Variants in PALM observed in about 807,000 individuals in gnomAD.
PALM encodes the protein paralemmin, also known as paralemmin-1.
PALM carries 18 observed loss-of-function variants against 30.7 expected under a neutral mutation model. That is an observed-to-expected ratio of 0.59 (90% CI 0.41 to 0.87). PALM has a LOEUF of 0.87. Ranked by LOEUF, PALM falls within the 40% of genes least tolerant of loss-of-function variation. The pLI is 0.00. For synonymous variants in PALM, 286 were observed against 242.8 expected (o/e 1.18, Z -1.66); for missense variants, 529 against 555.4 (o/e 0.95, Z 0.48).
chr19:728,040 C>T (rs987954471), intron 4 of PALM, among the ~76,000 whole-genome samples: 1 of 128,506 alleles, frequency 7.8e-6, no homozygotes, highest in African/African-American at 3.3e-5. Flanking sequence ...ACGTCGAGCT[C>T]GTGGGTCCCT....
Position 742,375 on chromosome 19 carries a change from C to T in PALM, c.634+1892C>T, listed in dbSNP as rs879442094. ...ATCCCGGCACTTTGGGAGGCCGAGG[C>T]GGGTGGATCACCTGAGGTCAGGAGT... is the stretch of plus-strand genomic sequence containing the variant. On this transcript the variant is annotated intron_variant, in intron 8 of 8. Transcript: ENST00000338448. The surrounding 1 kb of genome is among the most constrained non-coding windows in gnomAD (Gnocchi z 5.5). 7.2e-5 allele frequency among the ~76,000 whole-genome samples: 11 copies of T among 152,068 alleles called. No homozygotes were observed. The highest frequency in any genetic ancestry group is 1.9e-4 in the East Asian group (1 of 5,192).
chr19:725,390 T>A (rs2032626852), intron 1 of PALM, among the ~76,000 whole-genome samples: 1 of 151,794 alleles, frequency 6.6e-6, no homozygotes, highest in African/African-American at 2.4e-5. Context: ...GAAACCCCTG[T>A]CTCTACTAAA....
At chr19:730,978 G>T in intron 4 of PALM, 117 bp from the exon 5 acceptor site, 1 of 672,992 alleles carries the variant, frequency 1.5e-6, no homozygotes, top group Non-Finnish European at 2.5e-6. Context: ...TCCAGCCTGG[G>T]CAACAAGAGC....
chr19:741,122 G>C (rs1292978006), intron 8 of PALM, among the ~76,000 whole-genome samples: 1 of 152,148 alleles, frequency 6.6e-6, no homozygotes, highest in East Asian at 1.9e-4. Flanking sequence ...CTGGGCAACA[G>C]AGTGAGACCC....
At chr19:724,752 G>T (rs2032605896) in intron 1 of PALM, among the ~76,000 whole-genome samples, 1 of 152,014 alleles carries the variant, frequency 6.6e-6, no homozygotes, top group Admixed American at 6.6e-5. Context: ...GAGTAGCTGG[G>T]ACTACAGGCG....
chr19:726,998 C>CAA lies in PALM; in HGVS notation c.58-10_58-9insAA. ...CGCCCATCCCTGACCCCACCCGGCCCTCCCCACAGGAGAAGCGGAAGCGGC... is the reference window on the plus strand; with the variant it reads ...CGCCCATCCCTGACCCCACCCGGCCCAATCCCCACAGGAGAAGCGGAAGCGGC... On this transcript the variant is annotated splice_polypyrimidine_tract_variant and intron_variant, in intron 2 of 8. Transcript: ENST00000338448. 3.4e-6 allele frequency: 5 copies of CAA among 1,460,782 alleles called. No homozygotes were observed. The highest frequency in any genetic ancestry group is 1.4e-5 in the African/African-American group (1 of 71,146). 90.5% of individuals were successfully genotyped at this position (1,460,782 alleles called of 1,614,324 possible).
At chr19:720,390 G>A (rs1366553893) in intron 1 of PALM, among the ~76,000 whole-genome samples, 2 of 145,542 alleles carry the variant, frequency 1.4e-5, no homozygotes. Context: ...GGAGGGGCGA[G>A]GGGGGCGCCG....
intron 1 of PALM, among the ~76,000 whole-genome samples, chr19:718,785 G>A (rs1201535582): frequency 1.3e-5 from 2 of 152,046 alleles, no homozygotes; most frequent in African/African-American, 2.4e-5. Context: ...TGATCTTGGC[G>A]GTGGAGAAGG....
chr19:727,461 C>G lies in PALM; in HGVS notation c.139-103C>G, dbSNP rs550364471. 3.3e-6 allele frequency: 3 copies of G among 922,824 alleles called. No individual in the cohort carries two copies. In the African/African-American group the frequency reaches 4.9e-5, roughly 15 times the overall value. The allele number at this position is 922,824 out of a possible 1,614,324, so 57.2% of individuals were successfully genotyped here. On this transcript the variant is annotated intron_variant, in intron 3 of 8. Coordinates refer to ENST00000338448, the MANE Select transcript of PALM (RefSeq NM_002579.3). ...CCATAACCCTGACCCCAACCTTGGTCCTGCCTCAACCCCGACCCTGATCCT... is the reference window on the plus strand; with the variant it reads ...CCATAACCCTGACCCCAACCTTGGTGCTGCCTCAACCCCGACCCTGATCCT...
At chr19:736,540 C>T (rs1016722972) in intron 7 of PALM, among the ~76,000 whole-genome samples, 22 of 152,184 alleles carry the variant, frequency 1.4e-4, no homozygotes, top group Non-Finnish European at 2.6e-4. Flanking sequence ...GCTGCGCTTC[C>T]GAGAAGCAGG....
chr19:720,783 G>A (rs1299468856), intron 1 of PALM, among the ~76,000 whole-genome samples: 1 of 152,136 alleles, frequency 6.6e-6, no homozygotes, highest in Admixed American at 6.5e-5. Context: ...CTTGTCTCCA[G>A]CCTGGGAGGC....
At chr19:735,932 C>T in intron 6 of PALM, 87 bp from the exon 7 acceptor site, 1 of 1,120,486 alleles carries the variant, frequency 8.9e-7, no homozygotes, top group East Asian at 2.5e-5. Flanking sequence ...GGATGCACTT[C>T]TGTGAAGGGG....
At chr19:726,950 T>TGGGGGGGGGCCTGTGGTTGGGGGGGGGGG in intron 2 of PALM, 58 bp from the exon 3 acceptor site, 1 of 864,348 alleles carries the variant, frequency 1.2e-6, no homozygotes, top group Non-Finnish European at 1.7e-6. Flanking sequence ...TGTGTGGGGG[T>TGGGGGGGGGCCTGTGGTTGGGGGGGGGGG]GGGGGGGTCT....
At chr19:711,450 C>G (rs2032077815) in intron 1 of PALM, among the ~76,000 whole-genome samples, 1 of 152,158 alleles carries the variant, frequency 6.6e-6, no homozygotes, top group South Asian at 2.1e-4. Flanking sequence ...CAGACTCCTC[C>G]CTGCTCGCAG....
At chr19:741,273 G>C (rs1032063519) in intron 8 of PALM, among the ~76,000 whole-genome samples, 9 of 152,142 alleles carry the variant, frequency 5.9e-5, no homozygotes, top group African/African-American at 2.2e-4. Context: ...GCAAGCAGGG[G>C]CTCATCAGAG....
intron 1 of PALM, among the ~76,000 whole-genome samples, chr19:710,631 A>G (rs2032043495): frequency 1.3e-5 from 2 of 150,702 alleles, no homozygotes; most frequent in African/African-American, 4.9e-5. Flanking sequence ...GGGGATACTG[A>G]GGCCCAGAGA....
At chr19:725,020 A>G (rs989950126) in intron 1 of PALM, among the ~76,000 whole-genome samples, 1 of 151,714 alleles carries the variant, frequency 6.6e-6, no homozygotes, top group East Asian at 2.0e-4. Context: ...CCCGGGTTCA[A>G]GTGATTCTCC....
At chr19:732,386 G>A (rs1312593270) in intron 5 of PALM, among the ~76,000 whole-genome samples, 1 of 152,128 alleles carries the variant, frequency 6.6e-6, no homozygotes, top group Non-Finnish European at 1.5e-5. Context: ...TGCCATCTAA[G>A]CCAGACGATG....
At position 740,423 on chromosome 19, in the gene PALM, A is replaced by T. The variant is rs576878067; in HGVS notation, c.574A>T (p.Thr192Ser). 77 of 1,554,548 alleles carry T rather than the reference A, an allele frequency of 5.0e-5. 1 individual carries two copies. In the South Asian group the frequency reaches 8.9e-4, roughly 18 times the overall value. The stretch of plus-strand genomic sequence containing the variant: ...GGAGACCAGGGTGCTGTCCAGCACC[A>T]CGCTGCTCCCTCGGCAGCCGCTCCC... ...TGETRVLSSTTLLPRQPLPLG... is the reference protein window; with the variant it reads ...TGETRVLSSTSLLPRQPLPLG... Residue 192 changes from threonine to serine, a missense_variant, in exon 8 of 9, where the codon ACG (threonine) becomes TCG (serine). Transcript: ENST00000338448.
Sources: gnomAD v4.1 joint callset for allele counts (sites outside exome capture counted in the v4.1 genomes callset) on GRCh38, gnomAD v4.1.1 for gene constraint, Gnocchi (gnomAD v3.1) non-coding constraint, MANE v1.5 for transcripts, NCBI Gene and HGNC (gene_info 2026-07-23, HGNC 2026-07-21) for gene names.